Variants in KIF5B observed in about 807,000 individuals in gnomAD.
KIF5B encodes kinesin-1 heavy chain.
In KIF5B, 49 loss-of-function variants were observed where a neutral mutation model predicts 132.8. The ratio of observed to expected loss-of-function variants is 0.37; its 90% CI spans 0.29 to 0.47. The LOEUF (loss-of-function observed/expected upper bound fraction) is 0.47, where lower values mean the gene tolerates loss of function less well. KIF5B is among the 20% of genes least tolerant of loss of function. The pLI, the probability that KIF5B is intolerant of heterozygous loss-of-function variation, is 1.00. For synonymous variants in KIF5B, 355 were observed against 369.4 expected (o/e 0.96, Z 0.45); for missense variants, 780 against 1,144.0 (o/e 0.68, Z 4.59).
At chr10:32,055,295 A>C (rs150667153) in intron 1 of KIF5B, among the ~76,000 whole-genome samples, 2,531 of 152,218 alleles carry the variant, frequency 0.017, 29 homozygotes, top group Non-Finnish European at 0.028. Flanking sequence ...AGTTGGAGGT[A>C]TAGATAATAT....
At chr10:32,034,097 T>C (rs1841434191) in intron 11 of KIF5B, 59 bp from the exon 12 acceptor site, 1 of 1,119,078 alleles carries the variant, frequency 8.9e-7, no homozygotes. Flanking sequence ...AATTTCAATT[T>C]CATTCCTTTA....
At position 32,037,316 on chromosome 10, in the gene KIF5B, T is replaced by C. The variant is rs2132604503; in HGVS notation, c.649A>G (p.Thr217Ala). 6.2e-7 allele frequency: 1 copy of C among 1,613,828 alleles called. No homozygotes were observed. The highest frequency in any genetic ancestry group is 8.5e-7 in the Non-Finnish European group (1 of 1,179,726). ...CCACTCAGCTTTTGTTCCGTTTGTG[T>C]GTTCTCTTGTTTGACATTAATAAGA... ...IFLINVKQEN[T>A]QTEQKLSGKL... The change falls in exon 8 of 26, where the codon ACA becomes GCA. Residue 217 changes from threonine (T) to alanine (A), a missense_variant. Physicochemically the swap from Thr to Ala is moderately conservative, Grantham distance 58. Around this residue, in one of 9 missense-constraint regions of KIF5B, gnomAD observed 76 missense variants for 146.4 expected, o/e 0.52. Transcript: ENST00000302418.
At chr10:32,028,381 C>T in intron 15 of KIF5B, 47 bp downstream of exon 15, 1 of 1,451,884 alleles carries the variant, frequency 6.9e-7, no homozygotes, top group Admixed American at 1.9e-5. Context: ...AACAAAAGTG[C>T]CAGTGTATAC....
chr10:32,015,514 G>A lies in KIF5B; in HGVS notation c.*15C>T. On this transcript the variant is annotated 3_prime_UTR_variant, in exon 25 of 26. Transcript: ENST00000302418. ...GCCAGATATAAATAACAAACCTGTG[G>A]GTATGTATAAACGATTACACTTGTT... 6.3e-7 allele frequency: 1 copy of A among 1,576,970 alleles called. No individual in the cohort carries two copies. The highest frequency in any genetic ancestry group is 8.6e-7 in the Non-Finnish European group (1 of 1,163,006).
chr10:32,056,116 A>T lies in KIF5B; in HGVS notation c.-143T>A. On this transcript the variant is annotated 5_prime_UTR_variant, in exon 1 of 26. Coordinates refer to ENST00000302418, the MANE Select transcript of KIF5B (RefSeq NM_004521.3). ...CGCCGCGCTGCGCTTCCCCGGGTGG[A>T]GGCGGCCGGGGAGCCGGGACTTGAA... The T allele has an allele frequency of 9.6e-7, 1 of 1,038,188 alleles. No homozygotes were observed. Among genetic ancestry groups the T allele is most frequent in the Non-Finnish European group, 1.3e-6 (1 of 741,744 alleles). The allele number at this position is 1,038,188 out of a possible 1,614,324, so 64.3% of individuals were successfully genotyped here.
intron 2 of KIF5B, among the ~76,000 whole-genome samples, chr10:32,042,330 A>C (rs1397461903): frequency 6.6e-6 from 1 of 152,236 alleles, no homozygotes; most frequent in Admixed American, 6.5e-5. Flanking sequence ...CAAACATTTG[A>C]AACTTTCCTT....
chr10:32,035,438 T>C, intron 10 of KIF5B, 84 bp downstream of exon 10: 2 of 1,198,148 alleles, frequency 1.7e-6, no homozygotes, highest in Non-Finnish European at 2.4e-6. Flanking sequence ...TATGTACAGG[T>C]TGGAATAACA....
Position 32,048,826 on chromosome 10 carries a change from A to G in KIF5B, c.127-275T>C, listed in dbSNP as rs373508515. 1.6e-4 allele frequency among the ~76,000 whole-genome samples: 25 copies of G among 152,292 alleles called. 1 individual carries two copies. In the South Asian group the frequency reaches 2.5e-3, roughly 15 times the overall value. On this transcript the variant is annotated intron_variant, in intron 1 of 25. Coordinates refer to ENST00000302418, the MANE Select transcript of KIF5B (RefSeq NM_004521.3). ...CCCAGTAATTATAATTAGCACTACT[A>G]TGGCAGCCAAATATTGCTGAGTGAT...
At chr10:32,054,047 T>C (rs984812977) in intron 1 of KIF5B, among the ~76,000 whole-genome samples, 1 of 152,224 alleles carries the variant, frequency 6.6e-6, no homozygotes, top group African/African-American at 2.4e-5. Flanking sequence ...AATCCTAAAT[T>C]TTAGCATTCC....
intron 2 of KIF5B, among the ~76,000 whole-genome samples, chr10:32,046,990 T>C (rs1286182182): frequency 1.3e-5 from 2 of 152,206 alleles, no homozygotes; most frequent in African/African-American, 4.8e-5. Context: ...CAAAACCATC[T>C]AACACAAAGC....
chr10:32,045,921 T>C (rs996211633), intron 2 of KIF5B, among the ~76,000 whole-genome samples: 1 of 152,216 alleles, frequency 6.6e-6, no homozygotes, highest in African/African-American at 2.4e-5. Flanking sequence ...AACAATCTTA[T>C]TCATTTTAGA....
Position 32,056,175 on chromosome 10 carries a change from C to A in KIF5B, c.-202G>T. The A allele has an allele frequency of 3.5e-6, 2 of 565,968 alleles. No individual in the cohort carries two copies. The highest frequency in any genetic ancestry group is 4.4e-5 in the South Asian group (2 of 45,366). The allele number at this position is 565,968 out of a possible 1,614,324, so 35.1% of individuals were successfully genotyped here. A position where few individuals can be genotyped will look rare whatever the true frequency, so the allele number is the denominator to read the frequency against. Reference sequence around the variant, plus strand: ...GCCGGCAGCCGTTAACCCTAATGCTCACTTCCGATCCATCATGGCAGCCAT... The same window carrying A: ...GCCGGCAGCCGTTAACCCTAATGCTAACTTCCGATCCATCATGGCAGCCAT... On this transcript the variant is annotated 5_prime_UTR_variant, in exon 1 of 26. An upstream open reading frame in the 5' UTR loses its in-frame stop. Transcript: ENST00000302418.
At chr10:32,046,569 G>A (rs142994741) in intron 2 of KIF5B, among the ~76,000 whole-genome samples, 13 of 152,114 alleles carry the variant, frequency 8.5e-5, no homozygotes, top group East Asian at 1.9e-4. Flanking sequence ...AATTTTCTGC[G>A]ATCTTATTCT....
intron 1 of KIF5B, among the ~76,000 whole-genome samples, chr10:32,052,827 A>G (rs889354894): frequency 6.6e-6 from 1 of 152,226 alleles, no homozygotes; most frequent in African/African-American, 2.4e-5. Flanking sequence ...TTAAAAATAA[A>G]TTCTGTATTA....
chr10:32,053,954 A>G (rs1381205486), intron 1 of KIF5B, among the ~76,000 whole-genome samples: 2 of 152,020 alleles, frequency 1.3e-5, no homozygotes, highest in African/African-American at 2.4e-5. Context: ...TCCTTTGTTC[A>G]TTTTCCTTTA....
intron 19 of KIF5B, 116 bp from the exon 20 acceptor site, chr10:32,020,075 C>A: frequency 1.5e-6 from 1 of 670,908 alleles, no homozygotes; most frequent in East Asian, 2.7e-5. Flanking sequence ...TTCTGTTATC[C>A]TATACCCTAT....
rs1841061383 is a variant in KIF5B, at chr10:32,010,417, A to C, written c.*1120T>G. On this transcript the variant is annotated 3_prime_UTR_variant, in exon 26 of 26. Coordinates refer to ENST00000302418, the MANE Select transcript of KIF5B (RefSeq NM_004521.3). ...CTTGCAAACAATTTACTATTTCTAG[A>C]CTAAAGAAATAAATTAGTGTACAAA... 1.3e-5 allele frequency: 2 copies of C among 152,256 alleles called. No homozygotes were observed. Among genetic ancestry groups the C allele is most frequent in the Non-Finnish European group, 2.9e-5 (2 of 68,032 alleles). The allele number at this position is 152,256 out of a possible 1,614,324, so 9.4% of individuals were successfully genotyped here. A position where few individuals can be genotyped will look rare whatever the true frequency, so the allele number is the denominator to read the frequency against.
intron 3 of KIF5B, among the ~76,000 whole-genome samples, chr10:32,040,038 G>A (rs539230237): frequency 1.3e-5 from 2 of 152,186 alleles, no homozygotes; most frequent in East Asian, 1.9e-4. Flanking sequence ...AGGAGCCAAG[G>A]AGAACAGGAA....
chr10:32,055,336 C>T (rs941786083), intron 1 of KIF5B, among the ~76,000 whole-genome samples: 1 of 152,124 alleles, frequency 6.6e-6, no homozygotes, highest in Non-Finnish European at 1.5e-5. Context: ...TTTTCCTTCT[C>T]CCAGAGGGAA....
Sources: allele counts gnomAD v4.1 joint callset (sites outside exome capture counted in the v4.1 genomes callset), GRCh38; gene constraint gnomAD v4.1.1; regional missense constraint gnomAD v4.1.1; transcripts MANE v1.5; gene names NCBI Gene and HGNC (gene_info 2026-07-23, HGNC 2026-07-21).